Variants in CDH13 observed in about 807,000 individuals in gnomAD.
CDH13 encodes the protein cadherin 13.
In CDH13, 24 loss-of-function variants were observed where a neutral mutation model predicts 63.8. That is an observed-to-expected ratio of 0.38 (90% CI 0.27 to 0.53). The LOEUF is 0.53. Among genes scored for constraint, CDH13 ranks in the 20% least tolerant of loss-of-function variants. The pLI is 0.85. For missense variants in CDH13, 1,049 were observed against 903.1 expected (o/e 1.16, Z -2.07); for synonymous variants, 503 against 355.3 (o/e 1.42, Z -4.67).
intron 1 of CDH13, among the ~76,000 whole-genome samples, chr16:82,695,901 TA>T (rs1434967784): frequency 6.6e-6 from 1 of 152,226 alleles, no homozygotes; most frequent in Non-Finnish European, 1.5e-5. Flanking sequence ...ATAACCCATT[TA>T]AAGCAGCCTT....
intron 3 of CDH13, among the ~76,000 whole-genome samples, chr16:83,067,255 T>C (rs1416318024): frequency 6.6e-6 from 1 of 152,156 alleles, no homozygotes. Flanking sequence ...ATAAGTATTG[T>C]GTTGTGGAGG....
intron 1 of CDH13, among the ~76,000 whole-genome samples, chr16:82,715,774 G>A (rs1224101915): frequency 6.6e-6 from 1 of 152,088 alleles, no homozygotes; most frequent in Non-Finnish European, 1.5e-5. Context: ...AGCGATGATG[G>A]GGTTTTTTCT....
At chr16:83,390,125 C>T (rs900771327) in intron 6 of CDH13, among the ~76,000 whole-genome samples, 1 of 152,144 alleles carries the variant, frequency 6.6e-6, no homozygotes, top group African/African-American at 2.4e-5. Context: ...ATACAAGAAA[C>T]ATGGAGCACC....
At chr16:83,674,930 A>C (rs987341626) in intron 9 of CDH13, among the ~76,000 whole-genome samples, 1 of 152,224 alleles carries the variant, frequency 6.6e-6, no homozygotes, top group Non-Finnish European at 1.5e-5. Flanking sequence ...CAAACCTTTC[A>C]CAGGCCTAAA....
Position 83,170,988 on chromosome 16 carries a change from G to A in CDH13, c.483+45487G>A, listed in dbSNP as rs184421490. 2.6e-4 allele frequency among the ~76,000 whole-genome samples: 40 copies of A among 151,772 alleles called. 2 individuals are homozygous for A. The highest frequency in any genetic ancestry group is 2.1e-3 in the Admixed American group (32 of 15,248). On this transcript the variant is annotated intron_variant, in intron 4 of 13. Transcript: ENST00000567109. ...AACCTCCCCATCAGTCTTTTTACCC[G>A]CCCGCCTCCTTTTTTTTGAGGGAAG...
chr16:82,677,702 C>T (rs887142060), intron 1 of CDH13, among the ~76,000 whole-genome samples: 6 of 152,160 alleles, frequency 3.9e-5, no homozygotes, highest in Non-Finnish European at 4.4e-5. Flanking sequence ...TACAATAGCA[C>T]TGACAGATAT....
chr16:83,471,043 C>G (rs1199477786), intron 6 of CDH13, among the ~76,000 whole-genome samples: 9 of 152,044 alleles, frequency 5.9e-5, no homozygotes, highest in Non-Finnish European at 1.0e-4. Context: ...CTCCAGATAT[C>G]TTTCTTTGAC....
At chr16:82,766,928 T>C (rs2151091259) in intron 1 of CDH13, among the ~76,000 whole-genome samples, 1 of 152,318 alleles carries the variant, frequency 6.6e-6, no homozygotes. Flanking sequence ...AATTTTGCAG[T>C]GAGCACTCAT....
At chr16:82,885,087 G>A (rs911902313) in intron 2 of CDH13, among the ~76,000 whole-genome samples, 40 of 152,190 alleles carry the variant, frequency 2.6e-4, no homozygotes, top group African/African-American at 9.7e-4. Context: ...AGAAGGGGAT[G>A]TTGTTCAGCT....
intron 2 of CDH13, among the ~76,000 whole-genome samples, chr16:82,916,911 T>TG (rs2042007855): frequency 6.6e-6 from 1 of 152,234 alleles, no homozygotes; most frequent in Admixed American, 6.5e-5. Context: ...ACCAAAGTTC[T>TG]GGTTAGTATG....
At chr16:83,496,569 C>T (rs1314971925) in intron 7 of CDH13, among the ~76,000 whole-genome samples, 1 of 152,106 alleles carries the variant, frequency 6.6e-6, no homozygotes, top group Non-Finnish European at 1.5e-5. Flanking sequence ...TAGAAGAAAA[C>T]CTAGGCTTTA....
intron 6 of CDH13, among the ~76,000 whole-genome samples, chr16:83,371,803 C>T (rs976426010): frequency 3.3e-5 from 5 of 152,114 alleles, no homozygotes; most frequent in East Asian, 1.9e-4. Context: ...CAGTGCTTCA[C>T]GAGTCTTTTC....
At chr16:83,137,671 C>T (rs757437515) in intron 4 of CDH13, among the ~76,000 whole-genome samples, 92 of 152,110 alleles carry the variant, frequency 6.0e-4, no homozygotes, top group Admixed American at 8.5e-4. Context: ...GATATCACTG[C>T]CCGTTTTTCT....
chr16:83,300,358 C>T (rs1266493565), intron 5 of CDH13, among the ~76,000 whole-genome samples: 2 of 152,218 alleles, frequency 1.3e-5, no homozygotes, highest in Admixed American at 6.5e-5. Context: ...TGTGTACTTA[C>T]TGTTCTTTAT....
At chr16:83,689,904 G>T (rs1167346588) in intron 10 of CDH13, among the ~76,000 whole-genome samples, 1 of 152,210 alleles carries the variant, frequency 6.6e-6, no homozygotes, top group South Asian at 2.1e-4. Flanking sequence ...AATATCTGTT[G>T]GCCGGGAGCA....
chr16:83,526,327 G>C (rs751420516), intron 7 of CDH13, among the ~76,000 whole-genome samples: 1 of 152,116 alleles, frequency 6.6e-6, no homozygotes, highest in Non-Finnish European at 1.5e-5. Context: ...TCAATAGTCC[G>C]CAACCTTTTT....
intron 1 of CDH13, among the ~76,000 whole-genome samples, chr16:82,671,069 G>A (rs1048351924): frequency 2.0e-5 from 3 of 152,134 alleles, no homozygotes; most frequent in Admixed American, 1.3e-4. Flanking sequence ...CCAGCCTTTC[G>A]TGGGTATTAG....
At chr16:83,038,088 C>G (rs914327781) in intron 3 of CDH13, among the ~76,000 whole-genome samples, 7 of 152,152 alleles carry the variant, frequency 4.6e-5, no homozygotes, top group Non-Finnish European at 8.8e-5. Flanking sequence ...GGACCGCCAG[C>G]CTAACCAAAA....
intron 4 of CDH13, among the ~76,000 whole-genome samples, chr16:83,162,707 C>T (rs927517778): frequency 3.3e-5 from 5 of 152,106 alleles, no homozygotes; most frequent in Non-Finnish European, 5.9e-5. Context: ...ACCACTACCA[C>T]CACCCTCTGA....
Sources: allele counts gnomAD v4.1 joint callset (sites outside exome capture counted in the v4.1 genomes callset), GRCh38; gene constraint gnomAD v4.1.1; transcripts MANE v1.5; gene names NCBI Gene and HGNC (gene_info 2026-07-23, HGNC 2026-07-21).